Variants in FLCN observed in about 807,000 individuals in gnomAD.
FLCN encodes the protein folliculin.
In FLCN, 22 loss-of-function variants were observed where a neutral mutation model predicts 62.5. The observed-to-expected ratio is 0.35, with a 90% CI of 0.25 to 0.50. The LOEUF (loss-of-function observed/expected upper bound fraction) is 0.50, where lower values mean the gene tolerates loss of function less well. FLCN is among the 20% of genes least tolerant of loss of function. The pLI is 0.97. For synonymous variants in FLCN, 319 were observed against 310.0 expected (o/e 1.03, Z -0.30); for missense variants, 657 against 778.0 (o/e 0.84, Z 1.85).
At chr17:17,226,000 T>A (rs2047234815) in intron 5 of FLCN, 176 bp downstream of exon 5, 1 of 866,078 alleles carries the variant, frequency 1.2e-6, no homozygotes, top group Non-Finnish European at 1.9e-6. Flanking sequence ...ACATGACTCC[T>A]CCCGCAATTC....
intron 5 of FLCN, 110 bp from the exon 6 acceptor site, chr17:17,224,253 A>G (rs2047185861): frequency 2.0e-6 from 2 of 1,009,044 alleles, no homozygotes; most frequent in Admixed American, 2.0e-5. Context: ...GCCAGCGTTA[A>G]TAACGGGGAG....
Position 17,226,174 on chromosome 17 carries a change from A to C in FLCN, c.396+2T>G. On this transcript the variant is annotated splice_donor_variant, in intron 5 of 13. Coordinates refer to ENST00000285071, the MANE Select transcript of FLCN (RefSeq NM_144997.7). LOFTEE classifies it high-confidence loss of function. ...GACAGGCTCTGTGGCCACAAGGCTC[A>C]CCTCACAGCTCAGGCTCCGGACACA... 6.2e-7 allele frequency: 1 copy of C among 1,613,890 alleles called. No individual in the cohort carries two copies. Among genetic ancestry groups the C allele is most frequent in the Non-Finnish European group, 8.5e-7 (1 of 1,179,978 alleles).
At chr17:17,228,291 TC>T in intron 3 of FLCN, 130 bp from the exon 4 acceptor site, 1 of 1,138,472 alleles carries the variant, frequency 8.8e-7, no homozygotes, top group Non-Finnish European at 1.2e-6. Context: ...ACCCGCCAGT[TC>T]CCCAGCCCCC....
chr17:17,220,549 G>A (rs1372844771), intron 8 of FLCN: 5 of 152,244 alleles, frequency 3.3e-5, no homozygotes, highest in Admixed American at 2.6e-4. Context: ...TCCAGGATGC[G>A]AAGCCAGGTC....
Position 17,213,812 on chromosome 17 carries a change from G to A in FLCN, c.1583C>T (p.Pro528Leu), listed in dbSNP as rs1293551893. 1 of 1,614,170 alleles carries A rather than the reference G, an allele frequency of 6.2e-7. No individual in the cohort carries two copies. The highest frequency in any genetic ancestry group is 1.1e-5 in the South Asian group (1 of 91,080). The change falls in exon 14 of 14, where the codon CCC becomes CTC. Residue 528 changes from proline to leucine, a missense_variant. Physicochemically the swap from Pro to Leu is moderately conservative, Grantham distance 98 (BLOSUM62 -3). Transcript: ENST00000285071. ...CAGCAGCTTCTGTGTGTCCTCTTTG[G>A]GTCGACTGTCCACCTTGGTGAACTT... is the stretch of plus-strand genomic sequence containing the variant. The part of the protein sequence containing the change: ...LFKFTKVDSR[P>L]KEDTQKLLSI...
chr17:17,214,933 A>G (rs2046863930), intron 13 of FLCN, 52 bp downstream of exon 13: 1 of 1,578,628 alleles, frequency 6.3e-7, no homozygotes, highest in Non-Finnish European at 8.7e-7. Context: ...AAACAGCTCC[A>G]GGTTTTCTCC....
Position 17,212,486 on chromosome 17 carries a change from A to T in FLCN, c.*1169T>A, listed in dbSNP as rs1363591112. ...AGATGCCATCTCTTTAAAAAAAAAA[A>T]AAAAAAAAAAAAAAAGGGCCAGGCA... On this transcript the variant is annotated 3_prime_UTR_variant, in exon 14 of 14. Transcript: ENST00000285071. The T allele has an allele frequency of 5.9e-6, 1 of 168,338 alleles. No individual in the cohort carries two copies. The highest frequency in any genetic ancestry group is 2.4e-5 in the African/African-American group (1 of 41,382). The allele number at this position is 168,338 out of a possible 1,614,324, so 10.4% of individuals were successfully genotyped here.
chr17:17,228,583 AAGGTGCTAGGCAAC>A (rs2145057056), intron 3 of FLCN: 4 of 207,814 alleles, frequency 1.9e-5, no homozygotes, highest in Admixed American at 5.3e-5. Flanking sequence ...CATGTGGGCC[AAGGTGCTAGGCAAC>A]ATGATACTGC....
chr17:17,222,195 G>GGT (rs1365859301), intron 7 of FLCN, among the ~76,000 whole-genome samples: 1 of 152,092 alleles, frequency 6.6e-6, no homozygotes, highest in Non-Finnish European at 1.5e-5. Flanking sequence ...AAATTAGCTG[G>GGT]GTGTGGTGAC....
At chr17:17,226,817 C>A (rs2047263210) in intron 4 of FLCN, among the ~76,000 whole-genome samples, 1 of 152,234 alleles carries the variant, frequency 6.6e-6, no homozygotes, top group Admixed American at 6.5e-5. Flanking sequence ...GAGCACCAAG[C>A]TCCAGGATGT....
intron 13 of FLCN, among the ~76,000 whole-genome samples, chr17:17,214,296 A>C (rs745641373): frequency 1.0e-4 from 9 of 88,996 alleles, no homozygotes; most frequent in African/African-American, 2.0e-4. Flanking sequence ...ATTTGCTTAC[A>C]AAAAAAAAAA....
chr17:17,224,549 A>C (rs11869409), intron 5 of FLCN: 55,959 of 343,216 alleles, frequency 0.16, 4,803 homozygotes, highest in African/African-American at 0.24. Context: ...TTCTTTCTTT[A>C]TTTGAGATGG....
rs2144983376 is a variant in FLCN, at chr17:17,224,141, G to A, written c.399C>T (p.Val133=). The part of the protein sequence containing the change: ...QACVRSLSCE[V]CPGREGPIFF... ...AGATGGGGCCTTCACGGCCAGGGCAGACCTGGAGGGACACCGGCGACTCAG... is the reference window on the plus strand; with the variant it reads ...AGATGGGGCCTTCACGGCCAGGGCAAACCTGGAGGGACACCGGCGACTCAG... Residue 133 remains valine (V), a splice_region_variant and synonymous_variant, in exon 6 of 14, where the codon GTC becomes GTT. Coordinates refer to ENST00000285071, the MANE Select transcript of FLCN (RefSeq NM_144997.7). The A allele has an allele frequency of 6.3e-7, 1 of 1,582,532 alleles. No individual in the cohort carries two copies. Among genetic ancestry groups the A allele is most frequent in the Non-Finnish European group, 8.6e-7 (1 of 1,163,666 alleles).
chr17:17,214,803 A>C (rs1321272927), intron 13 of FLCN, among the ~76,000 whole-genome samples, 182 bp downstream of exon 13: 1 of 152,042 alleles, frequency 6.6e-6, no homozygotes, highest in Non-Finnish European at 1.5e-5. Flanking sequence ...GGAGGCAGAC[A>C]TGATGACCGC....
intron 4 of FLCN, among the ~76,000 whole-genome samples, 169 bp downstream of exon 4, chr17:17,227,720 C>T (rs2047294461): frequency 6.6e-6 from 1 of 150,398 alleles, no homozygotes; most frequent in African/African-American, 2.4e-5. Context: ...TCAAAAAAAA[C>T]AAAACAAAAC....
chr17:17,221,065 C>T (rs1046447156), intron 8 of FLCN: 3 of 986,840 alleles, frequency 3.0e-6, no homozygotes, highest in Non-Finnish European at 4.2e-6. Context: ...CACAGTGCCA[C>T]GATCCCCAAA....
Position 17,216,576 on chromosome 17 carries a change from C to T in FLCN, c.1177-73G>A. The stretch of plus-strand genomic sequence containing the variant: ...GCCCCGGCCATCCATGCTCTACTAC[C>T]CAAACCCCACACGCCTCCTGCAGCC... On this transcript the variant is annotated intron_variant, in intron 10 of 13. Transcript: ENST00000285071. The surrounding 1 kb of genome is among the most constrained non-coding windows in gnomAD (Gnocchi z 4.0). 6.2e-7 allele frequency: 1 copy of T among 1,600,172 alleles called. No homozygotes were observed. The highest frequency in any genetic ancestry group is 8.5e-7 in the Non-Finnish European group (1 of 1,175,956).
chr17:17,224,668 T>C (rs540113803), intron 5 of FLCN: 14 of 188,810 alleles, frequency 7.4e-5, no homozygotes, highest in Admixed American at 3.8e-4. Context: ...CCTGAGTAGC[T>C]GGGATTGTAA....
Position 17,236,928 on chromosome 17 carries a change from G to A in FLCN, c.-244C>T, listed in dbSNP as rs2047597503. The A allele has an allele frequency of 6.8e-6, 1 of 147,542 alleles. No homozygotes were observed. Among genetic ancestry groups the A allele is most frequent in the Non-Finnish European group, 1.5e-5 (1 of 67,950 alleles). The allele number at this position is 147,542 out of a possible 1,614,324, so 9.1% of individuals were successfully genotyped here. On this transcript the variant is annotated 5_prime_UTR_variant, in exon 1 of 14. Coordinates refer to ENST00000285071, the MANE Select transcript of FLCN (RefSeq NM_144997.7). ...CCCGCCTACCTGCTCCCCAAATCGA[G>A]GCCCGCGGGACACCTGGACTCGGCA...
Sources: allele counts gnomAD v4.1 joint callset (sites outside exome capture counted in the v4.1 genomes callset), GRCh38; gene constraint gnomAD v4.1.1; non-coding constraint Gnocchi (gnomAD v3.1); transcripts MANE v1.5; gene names NCBI Gene and HGNC (gene_info 2026-07-23, HGNC 2026-07-21).